The following TFR2 variants were observed in gnomAD, a reference collection of about 807,000 sequenced individuals.
TFR2 encodes transferrin receptor 2.
TFR2 carries 64 observed loss-of-function variants against 91.9 expected under a neutral mutation model. That is an observed-to-expected ratio of 0.70 (90% CI 0.57 to 0.86). TFR2 has a LOEUF of 0.86. TFR2 is among the 40% of genes least tolerant of loss of function. TFR2 has a pLI of 0.00. For missense variants in TFR2, 950 were observed against 1,080.5 expected (o/e 0.88, Z 1.69); for synonymous variants, 454 against 459.6 (o/e 0.99, Z 0.15).
rs1405776096 is a variant in TFR2, at chr7:100,626,874, G to C, written c.2025C>G (p.Tyr675Ter). The C allele has an allele frequency of 4.6e-5, 71 of 1,546,494 alleles. No homozygotes were observed. Among genetic ancestry groups the C allele is most frequent in the Non-Finnish European group, 6.1e-5 (70 of 1,147,076 alleles). The change falls in exon 17 of 18, where the codon TAC (tyrosine) becomes TAG (stop). Residue 675 changes from tyrosine (Y) to a stop codon, truncating the protein, a stop_gained. Transcript: ENST00000223051. LOFTEE classifies it high-confidence loss of function. ...KARGLTLQWV[Y>*]SARGDYIRAA... Reference sequence around the variant, plus strand: ...CCCGGATGTAGTCCCCCCGCGCCGAGTACACCCACTGCAGGGTCAGCCCGC... The same window carrying C: ...CCCGGATGTAGTCCCCCCGCGCCGACTACACCCACTGCAGGGTCAGCCCGC...
rs751280511 is a variant in TFR2, at chr7:100,631,886, C to A, written c.1026G>T (p.Gln342His). 24 of 1,613,860 alleles carry A rather than the reference C, an allele frequency of 1.5e-5. No homozygotes were observed. Among genetic ancestry groups the A allele is most frequent in the Non-Finnish European group, 1.9e-5 (22 of 1,180,012 alleles). Residue 342 changes from glutamine to histidine, a missense_variant, in exon 8 of 18, where the codon CAG (glutamine) becomes CAT (histidine). By Grantham distance (24) the Gln-to-His change is conservative. Coordinates refer to ENST00000223051, the MANE Select transcript of TFR2 (RefSeq NM_003227.4). The stretch of plus-strand genomic sequence containing the variant: ...GGCCTGATGATGCAACTGGAGGGAA[C>A]TGGGTTTGATTGAAGGAAGGGAAGC... Reference protein sequence around the residue: ...TPGFPSFNQTQFPPVASSGLP... With the variant: ...TPGFPSFNQTHFPPVASSGLP...
In TFR2 at chr7:100,627,958, A is replaced by G. The variant is rs765131429; in HGVS notation, c.1554T>C (p.His518=). Residue 518 remains histidine, a synonymous_variant, in exon 13 of 18, where the codon CAT becomes CAC. Coordinates refer to ENST00000223051, the MANE Select transcript of TFR2 (RefSeq NM_003227.4). ...DNAVLGDDKF[H]AKTSPLLTSL... is the part of the protein sequence containing the mutation. Reference sequence around the variant, plus strand: ...TTGTCAGAAGGGGGCTGGTCTTGGCATGAAACTTGTCATCCCCTGGAAAAA... The same window carrying G: ...TTGTCAGAAGGGGGCTGGTCTTGGCGTGAAACTTGTCATCCCCTGGAAAAA... The G allele has an allele frequency of 1.2e-6, 2 of 1,613,992 alleles. No individual in the cohort carries two copies. Among genetic ancestry groups the G allele is most frequent in the South Asian group, 1.1e-5 (1 of 91,080 alleles).
chr7:100,640,465 C>T, intron 3 of TFR2: 1 of 598,588 alleles, frequency 1.7e-6, no homozygotes. Flanking sequence ...TCCCTCACCT[C>T]CCAAATATGC....
rs778880340 is a variant in TFR2, at chr7:100,620,980, G to A, written c.2283C>T (p.Ala761=). ...LRSNSSGTPG[A]TSSTGFQESR... ...TCTCCTGGAAGCCAGTGGAGGAGGT[G>A]GCCCCGGGGGTCCCGGAGCTGTTGG... Residue 761 remains alanine (A), a synonymous_variant, in exon 18 of 18, where the codon GCC becomes GCT. Transcript: ENST00000223051. 9.3e-6 allele frequency: 15 copies of A among 1,612,048 alleles called. No individual in the cohort carries two copies. Among genetic ancestry groups the A allele is most frequent in the Non-Finnish European group, 1.3e-5 (15 of 1,179,250 alleles).
intron 3 of TFR2, among the ~76,000 whole-genome samples, chr7:100,638,417 T>C (rs1803620670): frequency 6.6e-6 from 1 of 150,854 alleles, no homozygotes; most frequent in Non-Finnish European, 1.5e-5. Flanking sequence ...TTTGAGACCA[T>C]CCTGGGCAAC....
At chr7:100,640,919 C>G (rs1261217821) in intron 2 of TFR2, 47 bp from the exon 3 acceptor site, 6 of 1,613,618 alleles carry the variant, frequency 3.7e-6, no homozygotes, top group Non-Finnish European at 5.1e-6. Flanking sequence ...ACCTCTGGAC[C>G]CCAGAAATCT....
intron 6 of TFR2, chr7:100,632,738 C>CT (rs35046097): frequency 0.022 from 4,139 of 184,646 alleles, 65 homozygotes; most frequent in African/African-American, 0.051. Flanking sequence ...AAAAAAGAAC[C>CT]TTTTTTTTTT....
At chr7:100,633,616 A>C (rs1803514401) in intron 3 of TFR2, 60 bp from the exon 4 acceptor site, 2 of 1,528,656 alleles carry the variant, frequency 1.3e-6, no homozygotes, top group African/African-American at 1.4e-5. Flanking sequence ...GGAAGAGGGA[A>C]GGATGCCAGA....
At position 100,633,210 on chromosome 7, in the gene TFR2, G is replaced by A. The variant is rs758515740; in HGVS notation, c.726+19C>T. ...GCTCGTGCCGCGCCCCATCCTAGGA[G>A]CGGGCAGGGGGTGCTCACCGTGACG... On this transcript the variant is annotated intron_variant, in intron 5 of 17. Coordinates refer to ENST00000223051, the MANE Select transcript of TFR2 (RefSeq NM_003227.4). 8 of 1,613,558 alleles carry A rather than the reference G, an allele frequency of 5.0e-6. No individual in the cohort carries two copies. In the South Asian group the frequency reaches 6.6e-5, roughly 13 times the overall value.
At chr7:100,639,334 T>A (rs1161446449) in intron 3 of TFR2, among the ~76,000 whole-genome samples, 1 of 152,228 alleles carries the variant, frequency 6.6e-6, no homozygotes, top group African/African-American at 2.4e-5. Context: ...ACCACTGCAC[T>A]CCAGCCTGGG....
At chr7:100,626,521 C>T in intron 17 of TFR2, 3 of 1,369,424 alleles carry the variant, frequency 2.2e-6, no homozygotes, top group Non-Finnish European at 2.8e-6. Flanking sequence ...CAGGCGTAAA[C>T]CAGGCGACTG....
intron 6 of TFR2, chr7:100,632,741 T>A (rs1803482940): frequency 4.5e-6 from 1 of 220,110 alleles, no homozygotes; most frequent in South Asian, 8.2e-5. Context: ...AAAGAACCTT[T>A]TTTTTTTTTT....
At position 100,633,064 on chromosome 7, in the gene TFR2, C is replaced by G; in HGVS notation, c.786G>C (p.Arg262Ser). 1 of 1,613,666 alleles carries G rather than the reference C, an allele frequency of 6.2e-7. No individual in the cohort carries two copies. The highest frequency in any genetic ancestry group is 8.5e-7 in the Non-Finnish European group (1 of 1,179,984). Residue 262 changes from arginine (R) to serine (S), a missense_variant, in exon 6 of 18, where the codon AGG becomes AGC. Arg to Ser is a moderately radical substitution (Grantham distance 110, BLOSUM62 -1). Coordinates refer to ENST00000223051, the MANE Select transcript of TFR2 (RefSeq NM_003227.4). ...RPEDLQDLRA[R>S]GVDPVGRLLL... ...GCAGGCGGCCCACTGGATCCACGCC[C>G]CTGGCCCGCAGGTCCTGCAGGTCTT...
rs150303632 is a variant in TFR2 at position 100,626,814 on chromosome 7, C to T, written c.2085G>A (p.Ser695=). ...GTGTCAGTCGCTCGTCTCTCTCCTC[C>T]GAGCTGTAGATCTCCTGCCGCAGCT... The part of the protein sequence containing the change: ...AEKLRQEIYS[S]EERDERLTRM... Residue 695 remains serine (S), a synonymous_variant, in exon 17 of 18, where the codon TCG becomes TCA. Transcript: ENST00000223051. The T allele has an allele frequency of 1.3e-6, 2 of 1,549,164 alleles. No homozygotes were observed. The highest frequency in any genetic ancestry group is 2.4e-5 in the East Asian group (1 of 40,916).
rs552793375 is a variant in TFR2, at chr7:100,638,344, C to T, written c.473+2342G>A. On this transcript the variant is annotated intron_variant, in intron 3 of 17. Coordinates refer to ENST00000223051, the MANE Select transcript of TFR2 (RefSeq NM_003227.4). ...AGCCCTGAGCAGGCTGGGTGCGGTACCTCATTCCTATAATCCCAGCATTTT... is the reference window on the plus strand; with the variant it reads ...AGCCCTGAGCAGGCTGGGTGCGGTATCTCATTCCTATAATCCCAGCATTTT... Among the ~76,000 whole-genome samples, 7 of 151,868 alleles carry T rather than the reference C, an allele frequency of 4.6e-5. No individual in the cohort carries two copies. In the South Asian group the frequency reaches 1.5e-3, roughly 32 times the overall value.
Position 100,622,914 on chromosome 7 carries a change from G to C in TFR2, c.2137-1788C>G, listed in dbSNP as rs749740460. Among the ~76,000 whole-genome samples the C allele has an allele frequency of 2.0e-5, 3 of 152,054 alleles. No individual in the cohort carries two copies. In the South Asian group the frequency reaches 6.2e-4, roughly 31 times the overall value. ...GCGGACGTTGCAGTGAGCCAAGATC[G>C]TGCCACTGCCCTCCAGCCTGGGTGA... On this transcript the variant is annotated intron_variant, in intron 17 of 17. Coordinates refer to ENST00000223051, the MANE Select transcript of TFR2 (RefSeq NM_003227.4).
intron 10 of TFR2, 66 bp from the exon 11 acceptor site, chr7:100,628,372 T>G: frequency 6.7e-7 from 1 of 1,492,924 alleles, no homozygotes; most frequent in Non-Finnish European, 9.3e-7. Flanking sequence ...CCTTGTCTTC[T>G]TCTGTCCTGG....
intron 17 of TFR2, 36 bp downstream of exon 17, chr7:100,626,727 G>A: frequency 6.6e-7 from 1 of 1,505,564 alleles, no homozygotes. Flanking sequence ...GGAGGGGCGG[G>A]ACACTGGGGG....
intron 3 of TFR2, among the ~76,000 whole-genome samples, chr7:100,638,817 G>A (rs1803631624): frequency 6.6e-6 from 1 of 152,014 alleles, no homozygotes; most frequent in African/African-American, 2.4e-5. Context: ...CTACTTGAAA[G>A]GCTAAGGTGG....
Sources: allele counts gnomAD v4.1 joint callset (sites outside exome capture counted in the v4.1 genomes callset), GRCh38; gene constraint gnomAD v4.1.1; transcripts MANE v1.5; gene names NCBI Gene and HGNC (gene_info 2026-07-23, HGNC 2026-07-21).